Variants in TRIM33 observed in about 807,000 individuals in gnomAD.
The protein encoded by TRIM33 is tripartite motif containing 33, also known as E3 ubiquitin-protein ligase TRIM33.
In TRIM33, 20 loss-of-function variants were observed where a neutral mutation model predicts 125.4. That is an observed-to-expected ratio of 0.16 (90% CI 0.11 to 0.23). The LOEUF is 0.23. Among genes scored for constraint, TRIM33 ranks in the 10% least tolerant of loss-of-function variants. TRIM33 has a pLI of 1.00. For synonymous variants in TRIM33, 564 were observed against 513.9 expected, an observed-to-expected ratio of 1.10 and a Z score of -1.32; for missense variants, 920 against 1,411.4, an observed-to-expected ratio of 0.65 and a Z score of 5.58.
chr1:114,435,881 T>TTTTC (rs1238608037), intron 4 of TRIM33, among the ~76,000 whole-genome samples: 6 of 125,332 alleles, frequency 4.8e-5, no homozygotes, highest in African/African-American at 1.9e-4. Flanking sequence ...CACCCGCTTT[T>TTTTC]TTTTTTTTTT....
chr1:114,404,224 T>C (rs564998402), intron 15 of TRIM33: 117 of 152,088 alleles, frequency 7.7e-4, no homozygotes, highest in African/African-American at 2.6e-3. Flanking sequence ...AACCTCTGCT[T>C]CCCAGGTTCA....
At chr1:114,502,242 G>C (rs1321785475) in intron 1 of TRIM33, among the ~76,000 whole-genome samples, 1 of 152,140 alleles carries the variant, frequency 6.6e-6, no homozygotes, top group Non-Finnish European at 1.5e-5. Context: ...ACTATCTTAT[G>C]ATCTGACATT....
rs1308384555 is a variant in TRIM33, at chr1:114,427,888, T to C, written c.1162A>G (p.Thr388Ala). ...KSLLQQLENV[T>A]KERQMKLLQQ... is the part of the protein sequence containing the mutation. ...AGTAACTTCATCTGTCTTTCCTTTG[T>C]AACATTCTGAAACAGAACAAGAGCT... is the stretch of plus-strand genomic sequence containing the variant. The change falls in exon 7 of 20, where the codon ACA becomes GCA. Residue 388 changes from threonine (T) to alanine (A), a missense_variant. This residue lies in a region of TRIM33 where 50 missense variants were observed against 110.8 expected (regional missense o/e 0.45). Transcript: ENST00000358465. 6.2e-7 allele frequency: 1 copy of C among 1,614,060 alleles called. No homozygotes were observed. The highest frequency in any genetic ancestry group is 8.5e-7 in the Non-Finnish European group (1 of 1,179,956).
chr1:114,481,671 G>A (rs12076677), intron 1 of TRIM33, among the ~76,000 whole-genome samples: 27 of 121,168 alleles, frequency 2.2e-4, no homozygotes, highest in South Asian at 7.6e-4. Flanking sequence ...GTATATATAT[G>A]TGTGTATATA....
chr1:114,440,606 A>C (rs889612148), intron 4 of TRIM33, among the ~76,000 whole-genome samples: 2 of 152,206 alleles, frequency 1.3e-5, no homozygotes, highest in Non-Finnish European at 2.9e-5. Flanking sequence ...CTATCTAAAA[A>C]TAAAGTTTTT....
chr1:114,443,067 TCTCC>T (rs547734036), intron 4 of TRIM33, among the ~76,000 whole-genome samples: 142 of 151,196 alleles, frequency 9.4e-4, no homozygotes, highest in African/African-American at 3.1e-3. Flanking sequence ...TCTCTTCCTC[TCTCC>T]CTTTTTTTTT....
intron 1 of TRIM33, among the ~76,000 whole-genome samples, chr1:114,503,566 T>C (rs888135569): frequency 2.6e-5 from 4 of 152,188 alleles, no homozygotes; most frequent in Non-Finnish European, 5.9e-5. Flanking sequence ...TTAGAATATA[T>C]TGCAATAAGC....
intron 5 of TRIM33, among the ~76,000 whole-genome samples, chr1:114,431,819 C>T (rs1438918820): frequency 6.6e-6 from 1 of 152,114 alleles, no homozygotes; most frequent in Non-Finnish European, 1.5e-5. Context: ...TTGTCCTTAT[C>T]TTACTAAGGT....
chr1:114,503,332 T>A (rs1429837325), intron 1 of TRIM33, among the ~76,000 whole-genome samples: 4 of 152,018 alleles, frequency 2.6e-5, no homozygotes, highest in Non-Finnish European at 5.9e-5. Flanking sequence ...AATACAAAAA[T>A]TAGCCAGGCA....
intron 1 of TRIM33, among the ~76,000 whole-genome samples, chr1:114,501,754 T>G (rs1446220684): frequency 6.6e-6 from 1 of 151,992 alleles, no homozygotes; most frequent in Non-Finnish European, 1.5e-5. Flanking sequence ...AAACAAAAAA[T>G]GTAAGCAATC....
chr1:114,409,183 GGT>G (rs911449000), intron 12 of TRIM33, among the ~76,000 whole-genome samples: 44 of 152,046 alleles, frequency 2.9e-4, no homozygotes, highest in African/African-American at 9.9e-4. Context: ...AGAAGTAGGT[GGT>G]GTGTTTCAGT....
intron 1 of TRIM33, among the ~76,000 whole-genome samples, chr1:114,501,436 T>C (rs916948136): frequency 6.6e-6 from 1 of 152,198 alleles, no homozygotes; most frequent in Non-Finnish European, 1.5e-5. Flanking sequence ...TAGAGTATCT[T>C]TCACAGAATG....
intron 1 of TRIM33, chr1:114,468,446 G>A: frequency 2.8e-6 from 1 of 353,014 alleles, no homozygotes; most frequent in South Asian, 2.4e-5. Flanking sequence ...CAAAACAAGT[G>A]GCGCCAGAGC....
At chr1:114,482,183 C>T (rs992986368) in intron 1 of TRIM33, among the ~76,000 whole-genome samples, 17 of 152,158 alleles carry the variant, frequency 1.1e-4, no homozygotes, top group East Asian at 3.8e-4. Flanking sequence ...ATTTCATTTA[C>T]GCTTAATTTT....
chr1:114,421,296 T>G, intron 11 of TRIM33, 140 bp downstream of exon 11: 1 of 782,726 alleles, frequency 1.3e-6, no homozygotes, highest in South Asian at 1.9e-5. Context: ...GAAGGAGACT[T>G]TTAGTGATTT....
chr1:114,475,588 C>T (rs573422686), intron 1 of TRIM33, among the ~76,000 whole-genome samples: 1 of 152,246 alleles, frequency 6.6e-6, no homozygotes, highest in South Asian at 2.1e-4. Context: ...GAGGCTGAGG[C>T]AGGATAATGG....
At chr1:114,473,782 C>G (rs6703214) in intron 1 of TRIM33, among the ~76,000 whole-genome samples, 9,629 of 152,016 alleles carry the variant, frequency 0.063, 320 homozygotes, top group African/African-American at 0.086. Context: ...ATACAGAAAA[C>G]AAAGAGCAAA....
intron 11 of TRIM33, among the ~76,000 whole-genome samples, chr1:114,420,825 ACTAT>A (rs1242477863): frequency 6.6e-6 from 1 of 152,176 alleles, no homozygotes; most frequent in African/African-American, 2.4e-5. Context: ...TATATAATAC[ACTAT>A]CAATCAACTG....
intron 1 of TRIM33, among the ~76,000 whole-genome samples, chr1:114,475,264 T>TTTTC (rs1650908383): frequency 6.6e-6 from 1 of 152,124 alleles, no homozygotes; most frequent in Non-Finnish European, 1.5e-5. Flanking sequence ...AATGATCAAG[T>TTTTC]TTTCCAACTT....
Sources: gnomAD v4.1 joint callset for allele counts (sites outside exome capture counted in the v4.1 genomes callset) on GRCh38, gnomAD v4.1.1 for gene constraint, gnomAD v4.1.1 regional missense constraint, MANE v1.5 for transcripts, NCBI Gene and HGNC (gene_info 2026-07-23, HGNC 2026-07-21) for gene names.